Variants in IQSEC1 observed in about 807,000 individuals in gnomAD.
The protein encoded by IQSEC1 is IQ motif and SEC7 domain-containing protein 1.
In IQSEC1, 31 loss-of-function variants were observed where a neutral mutation model predicts 91.0. The observed-to-expected ratio is 0.34, with a 90% confidence interval of 0.26 to 0.46. The LOEUF (loss-of-function observed/expected upper bound fraction) is 0.46, where lower values mean the gene tolerates loss of function less well. IQSEC1 is among the 20% of genes least tolerant of loss of function. The probability of loss-of-function intolerance (pLI) is 1.00; values close to 1 mark genes in which losing one functional copy is unlikely to be tolerated. For synonymous variants in IQSEC1, 699 were observed against 662.6 expected, an observed-to-expected ratio of 1.05 and a Z score of -0.84; for missense variants, 1,388 against 1,575.6, an observed-to-expected ratio of 0.88 and a Z score of 2.02.
At chr3:13,232,997 T>C (rs1412746374) in intron 1 of IQSEC1, among the ~76,000 whole-genome samples, 2 of 152,206 alleles carry the variant, frequency 1.3e-5, no homozygotes, top group Non-Finnish European at 1.5e-5. Flanking sequence ...AGAGTTGATG[T>C]TTAATGGAGG....
chr3:13,233,330 C>T (rs73813514), intron 1 of IQSEC1, among the ~76,000 whole-genome samples: 37 of 152,330 alleles, frequency 2.4e-4, no homozygotes, highest in African/African-American at 8.9e-4. Context: ...CTCCATCCAG[C>T]ACTGTCCCTT....
chr3:12,948,640 C>T (rs1336787705), intron 1 of IQSEC1, among the ~76,000 whole-genome samples: 2 of 152,204 alleles, frequency 1.3e-5, no homozygotes, highest in Non-Finnish European at 2.9e-5. Context: ...AAATGTTAGC[C>T]AGGGGAGGTT....
chr3:12,967,761 G>T lies in IQSEC1; in HGVS notation c.24-25896C>A. ...GGGCAGGGCGGGGGCGGGGCCGGAG[G>T]GCGAGCTGGGGGCGGGGCCGGAGGG... On this transcript the variant is annotated intron_variant, in intron 1 of 13. Transcript: ENST00000613206. The surrounding 1 kb of genome is among the most constrained non-coding windows in gnomAD (Gnocchi z 5.9). The T allele has an allele frequency of 1.0e-6, 1 of 968,254 alleles. No homozygotes were observed. Among genetic ancestry groups the T allele is most frequent in the Non-Finnish European group, 1.2e-6 (1 of 803,688 alleles). The allele number at this position is 968,254 out of a possible 1,614,324, so 60.0% of individuals were successfully genotyped here.
chr3:13,198,306 T>C (rs1694172187), intron 1 of IQSEC1, among the ~76,000 whole-genome samples: 1 of 152,126 alleles, frequency 6.6e-6, no homozygotes, highest in Non-Finnish European at 1.5e-5. Flanking sequence ...TGCAACCATG[T>C]AAACACAAAA....
At chr3:13,029,062 T>C (rs1031796428) in intron 1 of IQSEC1, among the ~76,000 whole-genome samples, 1 of 152,234 alleles carries the variant, frequency 6.6e-6, no homozygotes, top group African/African-American at 2.4e-5. Context: ...TAACGCTGTG[T>C]GACTGTACTG....
intron 1 of IQSEC1, among the ~76,000 whole-genome samples, chr3:12,963,430 T>A (rs1275300046): frequency 6.6e-6 from 1 of 152,188 alleles, no homozygotes; most frequent in Non-Finnish European, 1.5e-5. Context: ...GTCTTCAACC[T>A]CACAAACGAG....
At chr3:13,099,227 C>T (rs1404132867) in intron 2 of IQSEC1, among the ~76,000 whole-genome samples, 2 of 152,140 alleles carry the variant, frequency 1.3e-5, no homozygotes, top group Non-Finnish European at 2.9e-5. Flanking sequence ...GCAAGTGAGA[C>T]CTTCAGGGAA....
intron 1 of IQSEC1, among the ~76,000 whole-genome samples, chr3:13,265,459 C>T (rs972799591): frequency 6.6e-6 from 1 of 152,234 alleles, no homozygotes; most frequent in Non-Finnish European, 1.5e-5. Context: ...TGCAAAATCA[C>T]TCTCGAGATA....
At chr3:12,957,264 C>T (rs1464986248) in intron 1 of IQSEC1, among the ~76,000 whole-genome samples, 4 of 152,220 alleles carry the variant, frequency 2.6e-5, no homozygotes, top group Non-Finnish European at 5.9e-5. Flanking sequence ...CTCACCTTCT[C>T]CCCTTGTTCC....
rs2125078388 is a variant in IQSEC1, at chr3:12,909,782, C to A, written c.2417-348G>T. ...TGGACAGCAGTGAGCGCCATATTCT[C>A]CCGAATGGCCTGTGGCCCACAGCTC... On this transcript the variant is annotated intron_variant, in intron 10 of 13. Coordinates refer to ENST00000613206, the MANE Select transcript of IQSEC1 (RefSeq NM_001134382.3). The surrounding 1 kb of genome is among the most constrained non-coding windows in gnomAD (Gnocchi z 4.9). Among the ~76,000 whole-genome samples the A allele has an allele frequency of 6.6e-6, 1 of 152,334 alleles. No individual in the cohort carries two copies. Among genetic ancestry groups the A allele is most frequent in the South Asian group, 2.1e-4 (1 of 4,826 alleles).
chr3:13,153,407 G>T (rs1707032604), intron 2 of IQSEC1, among the ~76,000 whole-genome samples: 1 of 152,222 alleles, frequency 6.6e-6, no homozygotes, highest in African/African-American at 2.4e-5. Flanking sequence ...CCTGGAAGAG[G>T]AGAGAAGGTC....
intron 1 of IQSEC1, among the ~76,000 whole-genome samples, chr3:13,221,280 G>A (rs1694654615): frequency 6.6e-6 from 1 of 152,166 alleles, no homozygotes; most frequent in Admixed American, 6.5e-5. Flanking sequence ...CGCCTGCTCT[G>A]GGGGCAGCTG....
At chr3:13,044,524 A>G (rs6792831) in intron 1 of IQSEC1, among the ~76,000 whole-genome samples, 51,079 of 152,142 alleles carry the variant, frequency 0.34, 9,595 homozygotes, top group African/African-American at 0.52. Context: ...AAAGGGGGAC[A>G]CCCAGTGTCA....
Position 12,976,928 on chromosome 3 carries a change from G to C in IQSEC1, c.24-35063C>G, listed in dbSNP as rs79132702. Among the ~76,000 whole-genome samples, 1,032 of 125,062 alleles carry C rather than the reference G, an allele frequency of 8.3e-3. 16 individuals carry two copies. The highest frequency in any genetic ancestry group is 0.03 in the African/African-American group (975 of 32,804). The allele number at this position is 125,062 out of a possible 152,430, so 82.0% of individuals were successfully genotyped here. A position where few individuals can be genotyped will look rare whatever the true frequency, so the allele number is the denominator to read the frequency against. ...GCACCCCACCCCTCTTTATACCATA[G>C]AGAGATTCTGGAAGGGCTGGAAAAA... On this transcript the variant is annotated intron_variant, in intron 1 of 13. Transcript: ENST00000613206.
chr3:13,115,047 G>C (rs368891652), intron 2 of IQSEC1, among the ~76,000 whole-genome samples: 2 of 152,156 alleles, frequency 1.3e-5, no homozygotes, highest in Non-Finnish European at 2.9e-5. Context: ...GGGGGGCTGT[G>C]GGGGCTGGAA....
In IQSEC1 at chr3:12,943,776, C is replaced by T. The variant is rs58064869; in HGVS notation, c.24-1911G>A. Among the ~76,000 whole-genome samples the T allele has an allele frequency of 3.3e-3, 504 of 152,362 alleles. 4 individuals are homozygous for T. Among genetic ancestry groups the T allele is most frequent in the African/African-American group, 0.012 (479 of 41,588 alleles). On this transcript the variant is annotated intron_variant, in intron 1 of 13. Coordinates refer to ENST00000613206, the MANE Select transcript of IQSEC1 (RefSeq NM_001134382.3). ...CCCGTGAAGCCTGGAGTGGGGGCCCCAGCAGGCGGCCTGGAGCAGAGGGCA... is the reference window on the plus strand; with the variant it reads ...CCCGTGAAGCCTGGAGTGGGGGCCCTAGCAGGCGGCCTGGAGCAGAGGGCA...
intron 13 of IQSEC1, 64 bp from the exon 14 acceptor site, chr3:12,901,586 T>TC: frequency 7.6e-7 from 1 of 1,323,016 alleles, no homozygotes; most frequent in East Asian, 2.5e-5. Context: ...CAGAATGATT[T>TC]TTTTTTTTCA....
chr3:13,144,616 T>A (rs1011012738), intron 2 of IQSEC1, among the ~76,000 whole-genome samples: 1 of 152,196 alleles, frequency 6.6e-6, no homozygotes, highest in African/African-American at 2.4e-5. Context: ...ACCAGAGGCC[T>A]TTTCAGAATG....
At chr3:13,160,796 C>A (rs1468412736) in intron 2 of IQSEC1, among the ~76,000 whole-genome samples, 1 of 152,254 alleles carries the variant, frequency 6.6e-6, no homozygotes, top group African/African-American at 2.4e-5. Flanking sequence ...TGCACAGACA[C>A]CCCCTGGGTG....
Sources: allele counts gnomAD v4.1 joint callset (sites outside exome capture counted in the v4.1 genomes callset), GRCh38; gene constraint gnomAD v4.1.1; non-coding constraint Gnocchi (gnomAD v3.1); transcripts MANE v1.5; gene names NCBI Gene and HGNC (gene_info 2026-07-23, HGNC 2026-07-21).